The following SRPK2 variants were observed in gnomAD, a reference collection of about 807,000 sequenced individuals.
The protein encoded by SRPK2 is SFRS protein kinase 2.
SRPK2 carries 21 observed loss-of-function variants against 90.8 expected under a neutral mutation model. That is an observed-to-expected ratio of 0.23 (90% CI 0.16 to 0.33). The LOEUF is 0.33. SRPK2 is among the 10% of genes least tolerant of loss of function. The probability of loss-of-function intolerance (pLI) is 1.00; values close to 1 mark genes in which losing one functional copy is unlikely to be tolerated. For synonymous variants in SRPK2, 288 were observed against 311.1 expected (o/e 0.93, Z 0.78); for missense variants, 620 against 869.0 (o/e 0.71, Z 3.60).
intron 2 of SRPK2, among the ~76,000 whole-genome samples, chr7:105,215,875 T>TGG (rs952480760): frequency 6.6e-6 from 1 of 151,758 alleles, no homozygotes; most frequent in Non-Finnish European, 1.5e-5. Context: ...TGAAGTTTTT[T>TGG]GGGGGGGTGA....
intron 2 of SRPK2, among the ~76,000 whole-genome samples, chr7:105,218,903 GA>G (rs144923730): frequency 2.7e-5 from 4 of 150,616 alleles, no homozygotes; most frequent in East Asian, 2.0e-4. Flanking sequence ...ACAAATAAAA[GA>G]AAAAAAATCA....
chr7:105,165,856 C>T (rs1402634159), intron 6 of SRPK2, among the ~76,000 whole-genome samples: 34 of 152,152 alleles, frequency 2.2e-4, no homozygotes, highest in Non-Finnish European at 2.9e-5. Context: ...TTTTTGGGTC[C>T]ACACCAACTT....
chr7:105,398,386 T>G (rs1822386667), intron 1 of SRPK2, among the ~76,000 whole-genome samples: 1 of 150,990 alleles, frequency 6.6e-6, no homozygotes, highest in Non-Finnish European at 1.5e-5. Flanking sequence ...GCCTCCTTTT[T>G]TTTTTTTTTT....
chr7:105,230,163 A>C (rs889042361), intron 2 of SRPK2, among the ~76,000 whole-genome samples: 4 of 152,236 alleles, frequency 2.6e-5, no homozygotes, highest in African/African-American at 9.6e-5. Context: ...AGAGGGCCCA[A>C]AACCACAGAG....
chr7:105,114,836 C>T (rs1799538509), downstream of SRPK2, among the ~76,000 whole-genome samples: 1 of 152,148 alleles, frequency 6.6e-6, no homozygotes, highest in Non-Finnish European at 1.5e-5. Context: ...CTAATCACAG[C>T]TTCAAATTTT....
chr7:105,376,789 C>T (rs1056989959), intron 2 of SRPK2, among the ~76,000 whole-genome samples: 2 of 151,190 alleles, frequency 1.3e-5, no homozygotes, highest in Admixed American at 6.6e-5. Flanking sequence ...CCACCCACCT[C>T]GGCCTACCAA....
chr7:105,234,376 A>C (rs1351764596), intron 2 of SRPK2, among the ~76,000 whole-genome samples: 1 of 152,222 alleles, frequency 6.6e-6, no homozygotes, highest in Non-Finnish European at 1.5e-5. Context: ...ATTGCTTTTC[A>C]ATCTACCAAA....
chr7:105,390,752 C>CT (rs1227271256), upstream of SRPK2, among the ~76,000 whole-genome samples: 1 of 151,824 alleles, frequency 6.6e-6, no homozygotes, highest in Non-Finnish European at 1.5e-5. Flanking sequence ...GGCACCCAGC[C>CT]TTTTTTTGTT....
At chr7:105,299,830 G>C (rs1342279256) in intron 2 of SRPK2, among the ~76,000 whole-genome samples, 2 of 152,136 alleles carry the variant, frequency 1.3e-5, no homozygotes, top group Non-Finnish European at 2.9e-5. Flanking sequence ...GGCGGCGTAA[G>C]TTGCAGTGAG....
intron 2 of SRPK2, among the ~76,000 whole-genome samples, chr7:105,316,888 G>C (rs1412706539): frequency 6.6e-6 from 1 of 152,190 alleles, no homozygotes; most frequent in South Asian, 2.1e-4. Flanking sequence ...TTTGCAAAAA[G>C]GGGACAACAA....
Position 105,142,173 on chromosome 7 carries a change from G to A in SRPK2, c.1378C>T (p.Gln460Ter). Residue 460 changes from glutamine to a stop codon, truncating the protein, a stop_gained, in exon 11 of 16, where the codon CAG becomes TAG. Transcript: ENST00000393651. LOFTEE classifies it high-confidence loss of function. ...AACGAGGTGGAAAACTCTGGGAACT[G>A]TGACTCGGGAATTTTATGTCGTCCA... ...PNGRHKIPES[Q>*]FPEFSTSLFS... The A allele has an allele frequency of 6.2e-7, 1 of 1,614,182 alleles. No individual in the cohort carries two copies. Among genetic ancestry groups the A allele is most frequent in the Non-Finnish European group, 8.5e-7 (1 of 1,180,030 alleles).
intron 2 of SRPK2, among the ~76,000 whole-genome samples, chr7:105,258,335 T>C (rs1389841541): frequency 1.3e-5 from 2 of 148,292 alleles, no homozygotes; most frequent in Admixed American, 1.4e-4. Flanking sequence ...GAGAATTGCT[T>C]GAACCCGGGA....
intron 2 of SRPK2, among the ~76,000 whole-genome samples, chr7:105,361,226 T>C (rs958410509): frequency 1.3e-5 from 2 of 152,046 alleles, no homozygotes; most frequent in Non-Finnish European, 2.9e-5. Context: ...CATTCACAAT[T>C]GCTACAAAGA....
chr7:105,165,364 A>G (rs1165794759), intron 6 of SRPK2, among the ~76,000 whole-genome samples: 2 of 152,230 alleles, frequency 1.3e-5, no homozygotes, highest in Non-Finnish European at 2.9e-5. Context: ...ACTTCCAAAG[A>G]TAACTAGTAT....
rs1799689142 is a variant in SRPK2, at chr7:105,116,976, T to TAA, written c.*861_*862insTT. On this transcript the variant is annotated 3_prime_UTR_variant, in exon 16 of 16. Coordinates refer to ENST00000393651, the MANE Select transcript of SRPK2 (RefSeq NM_182692.3). ...AATTTAATCTATGTAGAGCTTAACT[T>TAA]ACAGCGCCCAGAGGAGGCAACATGA... is the stretch of plus-strand genomic sequence containing the variant. 1 of 152,226 alleles carries TAA rather than the reference T, an allele frequency of 6.6e-6. No individual in the cohort carries two copies. Among genetic ancestry groups the TAA allele is most frequent in the African/African-American group, 2.4e-5 (1 of 41,460 alleles). 9.4% of individuals were successfully genotyped at this position (152,226 alleles called of 1,614,324 possible).
Position 105,159,464 on chromosome 7 carries a change from A to ACAAAAAAAAAAAAAAAAAAAAAAAC in SRPK2, c.621+1042_621+1043insGTTTTTTTTTTTTTTTTTTTTTTTG, listed in dbSNP as rs1230460659. ...CTCCGTCTCCAAAAAAAAAAAAAAA[A>ACAAAAAAAAAAAAAAAAAAAAAAAC]AAAAAAAAACCGTACAAAAGGAAGA... On this transcript the variant is annotated intron_variant, in intron 7 of 15. Coordinates refer to ENST00000393651, the MANE Select transcript of SRPK2 (RefSeq NM_182692.3). Among the ~76,000 whole-genome samples, 42 of 141,670 alleles carry ACAAAAAAAAAAAAAAAAAAAAAAAC rather than the reference A, an allele frequency of 3.0e-4. 1 individual carries two copies. The highest frequency in any genetic ancestry group is 1.1e-3 in the African/African-American group (38 of 34,020). 92.9% of individuals were successfully genotyped at this position (141,670 alleles called of 152,430 possible).
chr7:105,390,755 T>TTTTTG (rs983403199), upstream of SRPK2, among the ~76,000 whole-genome samples: 7 of 152,106 alleles, frequency 4.6e-5, 1 homozygote, highest in East Asian at 1.9e-4. Flanking sequence ...ACCCAGCCTT[T>TTTTTG]TTTTGTTTTG....
At chr7:105,316,443 G>C (rs1001285864) in intron 2 of SRPK2, among the ~76,000 whole-genome samples, 2 of 152,112 alleles carry the variant, frequency 1.3e-5, no homozygotes, top group African/African-American at 4.8e-5. Flanking sequence ...TTACCTCCAA[G>C]CTAAGTAAGC....
At chr7:105,129,703 T>C (rs748622279) in intron 13 of SRPK2, among the ~76,000 whole-genome samples, 2 of 152,166 alleles carry the variant, frequency 1.3e-5, no homozygotes, top group Non-Finnish European at 2.9e-5. Context: ...TTATTTTTAA[T>C]ACCTGGGAAC....
Sources: gnomAD v4.1 joint callset for allele counts (sites outside exome capture counted in the v4.1 genomes callset) on GRCh38, gnomAD v4.1.1 for gene constraint, MANE v1.5 for transcripts, NCBI Gene and HGNC (gene_info 2026-07-23, HGNC 2026-07-21) for gene names.